PARN: variants seen among roughly 807,000 people sequenced by gnomAD.
PARN encodes the protein poly(A)-specific ribonuclease PARN.
Under a neutral mutation model 102.8 loss-of-function variants are expected in PARN, and 71 were observed. The ratio of observed to expected loss-of-function variants is 0.69; its 90% CI spans 0.57 to 0.84. The LOEUF (loss-of-function observed/expected upper bound fraction) is 0.84, where lower values mean the gene tolerates loss of function less well. Ranked by LOEUF, PARN falls within the 40% of genes least tolerant of loss-of-function variation. PARN has a pLI of 0.00. For missense variants in PARN, 782 were observed against 760.9 expected (o/e 1.03, Z -0.33); for synonymous variants, 261 against 252.9 (o/e 1.03, Z -0.30).
chr16:14,534,662 T>C (rs1966532825), intron 21 of PARN, among the ~76,000 whole-genome samples: 1 of 152,152 alleles, frequency 6.6e-6, no homozygotes, highest in Non-Finnish European at 1.5e-5. Flanking sequence ...TGACAGTGTC[T>C]TTCTGTGTTC....
intron 21 of PARN, among the ~76,000 whole-genome samples, chr16:14,533,505 T>C (rs1277983290): frequency 6.7e-6 from 1 of 149,536 alleles, no homozygotes; most frequent in Non-Finnish European, 1.5e-5. Context: ...TTCCAAACTC[T>C]GATTTTTAAC....
At chr16:14,619,613 T>C (rs1035298943) in intron 5 of PARN, among the ~76,000 whole-genome samples, 1 of 151,826 alleles carries the variant, frequency 6.6e-6, no homozygotes, top group East Asian at 1.9e-4. Flanking sequence ...ATTTAAAAAT[T>C]AGCCAGGTGT....
intron 22 of PARN, among the ~76,000 whole-genome samples, chr16:14,448,134 G>A (rs1352686435): frequency 1.3e-5 from 2 of 150,662 alleles, no homozygotes; most frequent in Non-Finnish European, 3.0e-5. Context: ...ACAGGCACCC[G>A]CCACCATGTC....
chr16:14,599,030 T>C (rs1313648505), intron 12 of PARN, among the ~76,000 whole-genome samples: 2 of 144,206 alleles, frequency 1.4e-5, no homozygotes, highest in African/African-American at 5.1e-5. Context: ...GTTTTCTTTC[T>C]CCTCTTCTTT....
At chr16:14,582,153 G>T in intron 17 of PARN, 28 bp downstream of exon 17, 1 of 1,378,896 alleles carries the variant, frequency 7.3e-7, no homozygotes, top group Non-Finnish European at 1.0e-6. Flanking sequence ...ATCACTGCGT[G>T]TTTGACTGAA....
At chr16:14,450,508 A>AT (rs1961402988) in intron 22 of PARN, among the ~76,000 whole-genome samples, 1 of 152,118 alleles carries the variant, frequency 6.6e-6, no homozygotes, top group Non-Finnish European at 1.5e-5. Flanking sequence ...ATATGTGTTC[A>AT]TATTTATGTA....
chr16:14,614,846 CAAAAAAAAAAAAAAAAAAAAAA>C (rs57502376), intron 6 of PARN, among the ~76,000 whole-genome samples: 5 of 37,652 alleles, frequency 1.3e-4, no homozygotes, highest in East Asian at 1.2e-3. Context: ...GAAACTGTCT[CAAAAAAAAAAAAAAAAAAAAAA>C]AAAAAAAAAA....
chr16:14,558,187 C>G lies in PARN; in HGVS notation c.1263-2478G>C, dbSNP rs141852414. 3.5e-3 allele frequency among the ~76,000 whole-genome samples: 527 copies of G among 152,282 alleles called. 1 individual carries two copies. The highest frequency in any genetic ancestry group is 5.3e-3 in the Non-Finnish European group (361 of 68,020). ...CTGGCTCACGCCTGTAATCCCAGCA[C>G]TTTACGAGACCAAGGCAGGCAGATC... On this transcript the variant is annotated intron_variant, in intron 18 of 23. Transcript: ENST00000437198.
At chr16:14,543,565 A>G (rs1231477882) in intron 21 of PARN, among the ~76,000 whole-genome samples, 1 of 152,246 alleles carries the variant, frequency 6.6e-6, no homozygotes, top group Non-Finnish European at 1.5e-5. Flanking sequence ...ATGAACCTAT[A>G]TGATTGTAAG....
chr16:14,476,886 G>A (rs1473749750), intron 22 of PARN, among the ~76,000 whole-genome samples: 1 of 152,072 alleles, frequency 6.6e-6, no homozygotes, highest in Non-Finnish European at 1.5e-5. Context: ...TAAAATATCA[G>A]CAAATACTAA....
At chr16:14,498,588 G>A (rs1027307789) in intron 21 of PARN, among the ~76,000 whole-genome samples, 1 of 152,024 alleles carries the variant, frequency 6.6e-6, no homozygotes, top group Non-Finnish European at 1.5e-5. Context: ...CCACCAAGAA[G>A]GTTTGAAAAA....
intron 21 of PARN, among the ~76,000 whole-genome samples, chr16:14,524,412 G>A (rs1225051010): frequency 6.6e-6 from 1 of 151,970 alleles, no homozygotes; most frequent in Non-Finnish European, 1.5e-5. Context: ...TTACTCCTAG[G>A]GGCAGCTGTT....
chr16:14,466,221 AG>A (rs1962340116), intron 22 of PARN, among the ~76,000 whole-genome samples: 1 of 152,242 alleles, frequency 6.6e-6, no homozygotes, highest in Non-Finnish European at 1.5e-5. Flanking sequence ...AAGAATTGAA[AG>A]TGGTTGTCTC....
intron 11 of PARN, chr16:14,601,835 A>G (rs1338009744): frequency 6.6e-6 from 1 of 151,178 alleles, no homozygotes; most frequent in Non-Finnish European, 1.5e-5. Context: ...AGGCAGGAGA[A>G]TCGCTTGAAC....
intron 21 of PARN, among the ~76,000 whole-genome samples, chr16:14,541,196 A>G (rs952948119): frequency 6.6e-6 from 1 of 151,640 alleles, no homozygotes; most frequent in South Asian, 2.1e-4. Flanking sequence ...ATAACTTTTT[A>G]AAAAATCAAA....
intron 6 of PARN, among the ~76,000 whole-genome samples, chr16:14,611,827 C>G (rs1217645492): frequency 6.6e-6 from 1 of 152,090 alleles, no homozygotes; most frequent in Admixed American, 6.6e-5. Flanking sequence ...GAGCCACGGC[C>G]ACCGCGCACG....
rs974402185 is a variant in PARN at position 14,447,334 on chromosome 16, C to T, written c.1671-253G>A. Reference sequence around the variant, plus strand: ...AGATATACACAAATTTAAGCTGATCCGAGTGCTCAAGAACAAATCCGTAAA... The same window carrying T: ...AGATATACACAAATTTAAGCTGATCTGAGTGCTCAAGAACAAATCCGTAAA... On this transcript the variant is annotated intron_variant, in intron 22 of 23. Transcript: ENST00000437198. 6.6e-6 allele frequency among the ~76,000 whole-genome samples: 1 copy of T among 152,032 alleles called. No individual in the cohort carries two copies. Among genetic ancestry groups the T allele is most frequent in the African/African-American group, 2.4e-5 (1 of 41,374 alleles).
chr16:14,528,256 G>C (rs1966116769), intron 21 of PARN, among the ~76,000 whole-genome samples: 1 of 152,180 alleles, frequency 6.6e-6, no homozygotes. Flanking sequence ...AGCTGCTCTA[G>C]TAACTACTGA....
chr16:14,561,058 G>A (rs897346046), intron 18 of PARN, among the ~76,000 whole-genome samples: 1 of 151,404 alleles, frequency 6.6e-6, no homozygotes, highest in Non-Finnish European at 1.5e-5. Context: ...TTAGGAGGCT[G>A]AGGCAGGAGA....
Sources: allele counts gnomAD v4.1 joint callset (sites outside exome capture counted in the v4.1 genomes callset), GRCh38; gene constraint gnomAD v4.1.1; transcripts MANE v1.5; gene names NCBI Gene and HGNC (gene_info 2026-07-23, HGNC 2026-07-21).